The following MLLT6 variants were observed in gnomAD, a reference collection of about 807,000 sequenced individuals.
The protein encoded by MLLT6 is protein AF-17.
A neutral mutation model predicts 103.0 loss-of-function variants in MLLT6; 22 were observed. The ratio of observed to expected loss-of-function variants is 0.21; its 90% CI spans 0.15 to 0.31. The LOEUF (loss-of-function observed/expected upper bound fraction) is 0.31. Among genes scored for constraint, MLLT6 ranks in the 10% least tolerant of loss-of-function variants. MLLT6 has a pLI of 1.00. For synonymous variants in MLLT6, 606 were observed against 623.5 expected (o/e 0.97, Z 0.42); for missense variants, 1,199 against 1,441.7 (o/e 0.83, Z 2.73).
At chr17:38,721,828 A>T (rs1309953261) in intron 16 of MLLT6, 50 bp from the exon 17 acceptor site, 1 of 1,346,462 alleles carries the variant, frequency 7.4e-7, no homozygotes, top group African/African-American at 1.5e-5. Flanking sequence ...GCCAGGGGCC[A>T]GAAAAGTCAT....
At position 38,722,077 on chromosome 17, in the gene MLLT6, C is replaced by T; in HGVS notation, c.2642C>T (p.Ala881Val). The T allele has an allele frequency of 7.3e-7, 1 of 1,376,102 alleles. No individual in the cohort carries two copies. The highest frequency in any genetic ancestry group is 9.4e-7 in the Non-Finnish European group (1 of 1,069,330). The allele number at this position is 1,376,102 out of a possible 1,614,324, so 85.2% of individuals were successfully genotyped here. ...GCGGGGCTGGGGGCCATGCCCATGG[C>T]TGAGGGGCTGTTGGGGGGGCTGGCA... Reference protein sequence around the residue: ...GAAGLGAMPMAEGLLGGLAGS... With the variant: ...GAAGLGAMPMVEGLLGGLAGS... Residue 881 changes from alanine (A) to valine (V), a missense_variant, in exon 17 of 20, where the codon GCT (alanine) becomes GTT (valine). By Grantham distance (64) the Ala-to-Val change is moderately conservative (BLOSUM62 0). Around this residue, in one of 7 missense-constraint regions of MLLT6, gnomAD observed 1,034 missense variants for 1,091.5 expected, o/e 0.95. Transcript: ENST00000621332.
chr17:38,717,817 G>A (rs753691916), intron 11 of MLLT6, 28 bp from the exon 12 acceptor site: 5 of 1,561,098 alleles, frequency 3.2e-6, no homozygotes, highest in South Asian at 1.1e-5. Context: ...AAGAATAACC[G>A]CCAGGGGATT....
rs994721537 is a variant in MLLT6 at position 38,705,447 on chromosome 17, CGAG to C, written c.-168_-166del. The C allele has an allele frequency of 0.025, 9,803 of 385,600 alleles. No individual in the cohort carries two copies. The highest frequency in any genetic ancestry group is 0.053 in the South Asian group (1,495 of 28,236). The allele number at this position is 385,600 out of a possible 1,614,324, so 23.9% of individuals were successfully genotyped here. The stretch of plus-strand genomic sequence containing the variant: ...GGGGGGGGCGGCCAGACAGAGCGAG[CGAG>C]GAGGAGGAGGAGGAGGACGCGGAGG... On this transcript the variant is annotated 5_prime_UTR_variant, in exon 1 of 20. Transcript: ENST00000621332.
chr17:38,705,429 G>GT lies in MLLT6; in HGVS notation c.-204_-203insT. 1 of 402,156 alleles carries GT rather than the reference G, an allele frequency of 2.5e-6. No individual in the cohort carries two copies. Among genetic ancestry groups the GT allele is most frequent in the Non-Finnish European group, 4.5e-6 (1 of 220,604 alleles). 24.9% of individuals were successfully genotyped at this position (402,156 alleles called of 1,614,324 possible). A position where few individuals can be genotyped will look rare whatever the true frequency, so the allele number is the denominator to read the frequency against. ...TGAGGGCGAGAGCACGGCGGGGGGGGCGGCCAGACAGAGCGAGCGAGGAGG... is the reference window on the plus strand; with the variant it reads ...TGAGGGCGAGAGCACGGCGGGGGGGGTCGGCCAGACAGAGCGAGCGAGGAGG... On this transcript the variant is annotated 5_prime_UTR_variant, in exon 1 of 20. An upstream open reading frame in the 5' UTR gains an earlier in-frame stop. Transcript: ENST00000621332.
chr17:38,717,359 G>A, intron 10 of MLLT6, 73 bp from the exon 11 acceptor site: 2 of 1,287,334 alleles, frequency 1.6e-6, no homozygotes, highest in Non-Finnish European at 2.2e-6. Context: ...GGGAGGGGCT[G>A]TCAGCCACCT....
intron 13 of MLLT6, 65 bp from the exon 14 acceptor site, chr17:38,719,685 G>C: frequency 7.0e-6 from 11 of 1,577,476 alleles, no homozygotes; most frequent in Non-Finnish European, 9.5e-6. Flanking sequence ...TGGGGGATAC[G>C]GGAGAAGGGC....
At chr17:38,714,449 G>T (rs1276270281) in intron 8 of MLLT6, 2 of 152,296 alleles carry the variant, frequency 1.3e-5, no homozygotes, top group African/African-American at 2.4e-5. Context: ...GTATAACATG[G>T]CAGTGAGGCC....
chr17:38,706,855 C>T (rs1904948835), intron 1 of MLLT6, 95 bp from the exon 2 acceptor site: 14 of 1,030,134 alleles, frequency 1.4e-5, no homozygotes, highest in South Asian at 1.2e-4. Flanking sequence ...CTGGAACTGG[C>T]TCTAGTCCTT....
At chr17:38,720,324 CG>C in intron 14 of MLLT6, 47 bp from the exon 15 acceptor site, 24 of 1,020,392 alleles carry the variant, frequency 2.4e-5, no homozygotes, top group East Asian at 5.2e-5. Flanking sequence ...CCCCTGGCCC[CG>C]CCTCCGCCCC....
Position 38,716,752 on chromosome 17 carries a change from C to A in MLLT6, c.1422C>A (p.Ser474Arg), listed in dbSNP as rs1462679940. 6.2e-7 allele frequency: 1 copy of A among 1,608,256 alleles called. No individual in the cohort carries two copies. The highest frequency in any genetic ancestry group is 1.7e-5 in the Admixed American group (1 of 58,978). ...AGAAGCACAAAGCCAGCAAGAGGAG[C>A]CGCCATGGGCCAGGCCGTCCCAAGG... Reference protein sequence around the residue: ...KEKKHKASKRSRHGPGRPKGS... With the variant: ...KEKKHKASKRRRHGPGRPKGS... The change falls in exon 10 of 20, where the codon AGC becomes AGA. Residue 474 changes from serine (S) to arginine (R), a missense_variant. Ser to Arg is a moderately radical substitution (Grantham distance 110). Transcript: ENST00000621332. The surrounding 1 kb of genome is among the most constrained non-coding windows in gnomAD (Gnocchi z 5.6).
chr17:38,716,302 C>CG lies in MLLT6; in HGVS notation c.1037-64dup, dbSNP rs1271971476. ...ACCAGAGCTCTCTCCCGCCAGTACA[C>CG]GCGGGAGTGGGAGGGAGTGCGGGGA... On this transcript the variant is annotated intron_variant, in intron 9 of 19. Transcript: ENST00000621332. This position sits in a 1 kb window ranked among gnomAD's most constrained non-coding sequence, Gnocchi z 5.6. 7.3e-6 allele frequency: 11 copies of CG among 1,503,242 alleles called. No homozygotes were observed. The African/African-American group carries it at 1.1e-4, about 15-fold the overall frequency. The allele number at this position is 1,503,242 out of a possible 1,614,324, so 93.1% of individuals were successfully genotyped here.
intron 6 of MLLT6, among the ~76,000 whole-genome samples, chr17:38,710,668 T>TG (rs375799583): frequency 1.3e-5 from 2 of 151,754 alleles, no homozygotes; most frequent in South Asian, 2.1e-4. Flanking sequence ...CTTGAATACC[T>TG]GGGGGGTGCC....
In MLLT6 at chr17:38,718,024, CAGAA is replaced by C. The variant is rs1905449429; in HGVS notation, c.1942+76_1942+79del. 4.6e-6 allele frequency: 5 copies of C among 1,088,716 alleles called. No individual in the cohort carries two copies. In the South Asian group the frequency reaches 5.5e-5, roughly 12 times the overall value. The allele number at this position is 1,088,716 out of a possible 1,614,324, so 67.4% of individuals were successfully genotyped here. ...GACACCCATCACCTGCATGTGACCC[CAGAA>C]AGAATGGGAGAGCTTTCTGGCTGCC... On this transcript the variant is annotated intron_variant, in intron 12 of 19. Transcript: ENST00000621332.
In MLLT6 at chr17:38,709,563, C is replaced by T; in HGVS notation, c.540C>T (p.His180=). Residue 180 remains histidine, a synonymous_variant, in exon 6 of 20, where the codon CAC becomes CAT. Coordinates refer to ENST00000621332, the MANE Select transcript of MLLT6 (RefSeq NM_005937.4). The surrounding 1 kb of genome is among the most constrained non-coding windows in gnomAD (Gnocchi z 4.3). The part of the protein sequence containing the change: ...NVKYCGYCKY[H]FSKMKTSRHS... ...AGTACTGCGGCTACTGCAAATACCACTTCAGCAAGATGGTGAGTCCTGGCG... is the reference window on the plus strand; with the variant it reads ...AGTACTGCGGCTACTGCAAATACCATTTCAGCAAGATGGTGAGTCCTGGCG... 6.2e-7 allele frequency: 1 copy of T among 1,613,340 alleles called. No individual in the cohort carries two copies.
Position 38,726,240 on chromosome 17 carries a change from G to A in MLLT6, c.*642G>A, listed in dbSNP as rs557142432. 7.4e-4 allele frequency: 173 copies of A among 234,192 alleles called. No homozygotes were observed. The highest frequency in any genetic ancestry group is 4.7e-3 in the South Asian group (26 of 5,566). The allele number at this position is 234,192 out of a possible 1,614,324, so 14.5% of individuals were successfully genotyped here. A position where few individuals can be genotyped will look rare whatever the true frequency, so the allele number is the denominator to read the frequency against. On this transcript the variant is annotated 3_prime_UTR_variant, in exon 20 of 20. Coordinates refer to ENST00000621332, the MANE Select transcript of MLLT6 (RefSeq NM_005937.4). ...CCTCTTGGGGCCCCGTGATGGGGAG[G>A]AGAGGGCAGGTGCGGGGAGGCTCTG...
rs1372982405 is a variant in MLLT6 at position 38,706,922 on chromosome 17, G to A, written c.110-28G>A. 5 of 1,587,686 alleles carry A rather than the reference G, an allele frequency of 3.1e-6. No individual in the cohort carries two copies. In the African/African-American group the frequency reaches 5.4e-5, roughly 17 times the overall value. ...GAAAAAGCCACTGGCTGACAGCTTT[G>A]CTCAGCGACTGTCCTCCCCACCCTC... On this transcript the variant is annotated intron_variant, in intron 1 of 19. Transcript: ENST00000621332.
chr17:38,713,158 C>G (rs760569521), intron 8 of MLLT6: 1 of 644,106 alleles, frequency 1.6e-6, no homozygotes, highest in African/African-American at 1.8e-5. Context: ...TACGCCCCAT[C>G]AGGAGGACAC....
chr17:38,717,799 C>T, intron 11 of MLLT6, 46 bp from the exon 12 acceptor site: 1 of 1,515,292 alleles, frequency 6.6e-7, no homozygotes, highest in South Asian at 1.1e-5. Flanking sequence ...CAGTTGTGCT[C>T]TAGATCCAAG....
Position 38,716,462 on chromosome 17 carries a change from T to A in MLLT6, c.1132T>A (p.Ser378Thr). ...CTCCAAGCCCACAGCCCCCGCCCCT[T>A]CAGCCCCTCCTTCTCCCTCAGCTCC... ...KYSKPTAPAP[S>T]APPSPSAPEP... The change falls in exon 10 of 20, where the codon TCA (serine) becomes ACA (threonine). Residue 378 changes from serine (S) to threonine (T), a missense_variant. Transcript: ENST00000621332. This position sits in a 1 kb window ranked among gnomAD's most constrained non-coding sequence, Gnocchi z 5.6. The A allele has an allele frequency of 6.2e-7, 1 of 1,613,994 alleles. No homozygotes were observed.
Sources: gnomAD v4.1 joint callset for allele counts (sites outside exome capture counted in the v4.1 genomes callset) on GRCh38, gnomAD v4.1.1 for gene constraint, gnomAD v4.1.1 regional missense constraint, Gnocchi (gnomAD v3.1) non-coding constraint, MANE v1.5 for transcripts, NCBI Gene and HGNC (gene_info 2026-07-23, HGNC 2026-07-21) for gene names.